The following IMMP2L variants were observed in gnomAD, a reference collection of about 807,000 sequenced individuals.
The protein encoded by IMMP2L is inner mitochondrial membrane peptidase subunit 2.
Under a neutral mutation model 19.3 loss-of-function variants are expected in IMMP2L, and 18 were observed. The observed-to-expected ratio is 0.93, with a 90% CI of 0.64 to 1.38. IMMP2L has a LOEUF of 1.38. Ranked by LOEUF, IMMP2L falls within the 40% of genes most tolerant of loss-of-function variation. IMMP2L has a pLI of 0.00. For synonymous variants in IMMP2L, 76 were observed against 73.0 expected, an observed-to-expected ratio of 1.04 and a Z score of -0.21; for missense variants, 233 against 218.2, an observed-to-expected ratio of 1.07 and a Z score of -0.43.
chr7:111,436,829 T>C (rs374861035), intron 3 of IMMP2L, among the ~76,000 whole-genome samples: 1 of 151,832 alleles, frequency 6.6e-6, no homozygotes, highest in South Asian at 2.1e-4. Context: ...CATCTGCTCC[T>C]GGTGAGGGCC....
In IMMP2L at chr7:111,426,159, C is replaced by G. The variant is rs192993364; in HGVS notation, c.239+61079G>C. Among the ~76,000 whole-genome samples, 893 of 150,996 alleles carry G rather than the reference C, an allele frequency of 5.9e-3. 26 individuals are homozygous for G. Among genetic ancestry groups the G allele is most frequent in the Non-Finnish European group, 7.0e-3 (471 of 67,570 alleles). On this transcript the variant is annotated intron_variant, in intron 3 of 5. Transcript: ENST00000405709. Reference sequence around the variant, plus strand: ...CTTATAATACATAAACTTTGTTTTACAGCTAAAAAAGGTAAATTATATATT... The same window carrying G: ...CTTATAATACATAAACTTTGTTTTAGAGCTAAAAAAGGTAAATTATATATT...
At chr7:111,425,746 C>T (rs1243981596) in intron 3 of IMMP2L, among the ~76,000 whole-genome samples, 1 of 151,188 alleles carries the variant, frequency 6.6e-6, no homozygotes, top group African/African-American at 2.4e-5. Context: ...AAAGAGGAAT[C>T]AGCAAGTGTT....
chr7:111,082,671 T>A (rs1284843947), intron 3 of IMMP2L, among the ~76,000 whole-genome samples: 2 of 152,172 alleles, frequency 1.3e-5, no homozygotes, highest in African/African-American at 4.8e-5. Context: ...CAGTGAGCAT[T>A]ATACAGCTGG....
chr7:110,869,431 A>T (rs1808321881), intron 5 of IMMP2L, among the ~76,000 whole-genome samples: 1 of 152,140 alleles, frequency 6.6e-6, no homozygotes, highest in Non-Finnish European at 1.5e-5. Flanking sequence ...ATATCCACCT[A>T]ATCAACAATT....
chr7:110,824,074 T>C (rs1022695414), intron 5 of IMMP2L, among the ~76,000 whole-genome samples: 6 of 152,138 alleles, frequency 3.9e-5, no homozygotes, highest in African/African-American at 1.4e-4. Flanking sequence ...CATAATGCAA[T>C]ACTTACATTA....
chr7:111,177,669 A>C (rs1157805646), intron 3 of IMMP2L, among the ~76,000 whole-genome samples: 1 of 152,098 alleles, frequency 6.6e-6, no homozygotes, highest in Non-Finnish European at 1.5e-5. Flanking sequence ...AGCAACTAGA[A>C]CCATTGTTAT....
At chr7:110,745,723 G>C (rs1180281567) in intron 5 of IMMP2L, among the ~76,000 whole-genome samples, 1 of 152,132 alleles carries the variant, frequency 6.6e-6, no homozygotes, top group African/African-American at 2.4e-5. Flanking sequence ...TCACCACCAG[G>C]CCTGCCCTAC....
At chr7:111,231,523 A>G (rs1813715277) in intron 3 of IMMP2L, among the ~76,000 whole-genome samples, 1 of 151,948 alleles carries the variant, frequency 6.6e-6, no homozygotes, top group African/African-American at 2.4e-5. Context: ...CTGCTTGCTC[A>G]TTCTAAAGTA....
chr7:110,991,897 C>G (rs992375637), intron 3 of IMMP2L, among the ~76,000 whole-genome samples: 1 of 152,128 alleles, frequency 6.6e-6, no homozygotes, highest in Non-Finnish European at 1.5e-5. Flanking sequence ...AGATCATGCT[C>G]TCCTCTTTGC....
At chr7:111,450,415 A>G (rs748632064) in intron 3 of IMMP2L, among the ~76,000 whole-genome samples, 22 of 152,186 alleles carry the variant, frequency 1.4e-4, no homozygotes, top group Middle Eastern at 3.4e-3. Flanking sequence ...CATACCTACA[A>G]CTATCTGATC....
chr7:111,417,459 G>C (rs1228691282), intron 3 of IMMP2L, among the ~76,000 whole-genome samples: 2 of 151,700 alleles, frequency 1.3e-5, no homozygotes, highest in African/African-American at 4.9e-5. Flanking sequence ...TGTGTAATTA[G>C]TTTACCATCT....
chr7:111,034,960 G>C (rs1433405617), intron 3 of IMMP2L, among the ~76,000 whole-genome samples: 1 of 152,020 alleles, frequency 6.6e-6, no homozygotes, highest in Non-Finnish European at 1.5e-5. Flanking sequence ...ACTTCACAGA[G>C]GAAAACTCCA....
intron 5 of IMMP2L, among the ~76,000 whole-genome samples, chr7:110,835,100 ATAAG>A (rs1804317885): frequency 1.3e-5 from 2 of 152,306 alleles, no homozygotes; most frequent in South Asian, 4.1e-4. Context: ...TTAGGCAGGA[ATAAG>A]TATGTAAAAC....
intron 3 of IMMP2L, among the ~76,000 whole-genome samples, chr7:111,461,277 G>A (rs1163321937): frequency 2.0e-5 from 3 of 151,842 alleles, no homozygotes; most frequent in African/African-American, 7.3e-5. Flanking sequence ...CTGGGATTTG[G>A]TACAAAATAA....
chr7:111,491,870 C>T (rs1440951379), intron 2 of IMMP2L, among the ~76,000 whole-genome samples: 2 of 151,944 alleles, frequency 1.3e-5, no homozygotes, highest in Non-Finnish European at 2.9e-5. Flanking sequence ...GAAAATATTC[C>T]TATTGAACTT....
At chr7:110,731,323 G>A (rs1205308172) in intron 5 of IMMP2L, among the ~76,000 whole-genome samples, 1 of 152,092 alleles carries the variant, frequency 6.6e-6, no homozygotes. Context: ...AGCTGCCCAA[G>A]TGTGTATAGT....
chr7:111,217,116 TC>T (rs1812011723), intron 3 of IMMP2L, among the ~76,000 whole-genome samples: 1 of 144,978 alleles, frequency 6.9e-6, no homozygotes, highest in Non-Finnish European at 1.5e-5. Context: ...TCTCTCTCTC[TC>T]TCTCTCTCTC....
At chr7:111,270,061 G>GTC (rs1818289984) in intron 3 of IMMP2L, among the ~76,000 whole-genome samples, 1 of 130,372 alleles carries the variant, frequency 7.7e-6, no homozygotes, top group Admixed American at 7.5e-5. Context: ...GTGTGTCTGT[G>GTC]TGTGTGTGTG....
chr7:110,891,229 A>G (rs1810760741), intron 4 of IMMP2L, among the ~76,000 whole-genome samples: 1 of 150,762 alleles, frequency 6.6e-6, no homozygotes, highest in Admixed American at 6.6e-5. Context: ...TTGTTAACAG[A>G]TAGAACCAGA....
Sources: allele counts gnomAD v4.1 joint callset (sites outside exome capture counted in the v4.1 genomes callset), GRCh38; gene constraint gnomAD v4.1.1; transcripts MANE v1.5; gene names NCBI Gene and HGNC (gene_info 2026-07-23, HGNC 2026-07-21).